The following ZBTB46 variants were observed in gnomAD, a reference collection of about 807,000 sequenced individuals.
ZBTB46 encodes the protein zinc finger and BTB domain containing 46, also known as zinc finger and BTB domain-containing protein 46.
ZBTB46 carries 8 observed loss-of-function variants against 44.1 expected under a neutral mutation model. The ratio of observed to expected loss-of-function variants is 0.18; its 90% CI spans 0.11 to 0.33. The LOEUF is 0.33. ZBTB46 is among the 10% of genes least tolerant of loss of function. The pLI, the probability that ZBTB46 is intolerant of heterozygous loss-of-function variation, is 1.00. For missense variants in ZBTB46, 651 were observed against 847.7 expected, an observed-to-expected ratio of 0.77 and a Z score of 2.88; for synonymous variants, 409 against 382.3, an observed-to-expected ratio of 1.07 and a Z score of -0.81.
intron 1 of ZBTB46, among the ~76,000 whole-genome samples, chr20:63,813,217 G>A (rs1045778062): frequency 6.6e-6 from 1 of 152,156 alleles, no homozygotes; most frequent in African/African-American, 2.4e-5. Context: ...GGGAGGCTGA[G>A]GCGGGTGGAT....
At chr20:63,809,606 A>G (rs898623081) in intron 1 of ZBTB46, among the ~76,000 whole-genome samples, 1 of 152,168 alleles carries the variant, frequency 6.6e-6, no homozygotes, top group Non-Finnish European at 1.5e-5. Context: ...GCTTAACTCA[A>G]TGATACAATT....
chr20:63,751,815 T>C (rs2092169416), intron 4 of ZBTB46, among the ~76,000 whole-genome samples: 2 of 135,070 alleles, frequency 1.5e-5, no homozygotes, highest in South Asian at 2.5e-4. Context: ...GGTCTCCCCA[T>C]GAAGCCCCGC....
intron 1 of ZBTB46, among the ~76,000 whole-genome samples, chr20:63,804,720 C>A (rs201434121): frequency 6.6e-6 from 1 of 151,820 alleles, no homozygotes; most frequent in African/African-American, 2.4e-5. Flanking sequence ...GGTGAAACCC[C>A]GTCTCTACCA....
chr20:63,766,373 G>A (rs962899053), intron 3 of ZBTB46, among the ~76,000 whole-genome samples: 15 of 151,678 alleles, frequency 9.9e-5, no homozygotes, highest in South Asian at 6.3e-4. Flanking sequence ...CCGCCACCAC[G>A]CCCAGCTAAT....
At chr20:63,771,081 C>G (rs2092366498) in intron 3 of ZBTB46, among the ~76,000 whole-genome samples, 1 of 151,954 alleles carries the variant, frequency 6.6e-6, no homozygotes, top group Non-Finnish European at 1.5e-5. Context: ...GCAGGGGCTA[C>G]TCGCCCTCCC....
At chr20:63,797,864 T>C (rs2092615360) in intron 1 of ZBTB46, among the ~76,000 whole-genome samples, 1 of 152,234 alleles carries the variant, frequency 6.6e-6, no homozygotes, top group Admixed American at 6.5e-5. Context: ...GATTTTTTCT[T>C]GTAAAGTTGT....
chr20:63,770,031 G>A (rs954470057), intron 3 of ZBTB46, among the ~76,000 whole-genome samples: 16 of 152,208 alleles, frequency 1.1e-4, no homozygotes, highest in Non-Finnish European at 1.9e-4. Flanking sequence ...GCACCGCACC[G>A]CCATGGCTGT....
chr20:63,833,608 A>T (rs1349262877), upstream of ZBTB46, among the ~76,000 whole-genome samples: 2 of 152,102 alleles, frequency 1.3e-5, no homozygotes, highest in African/African-American at 4.8e-5. Context: ...AAAAAAAAAG[A>T]AACGTGCTGA....
intron 3 of ZBTB46, among the ~76,000 whole-genome samples, chr20:63,773,957 T>C (rs1434302533): frequency 6.6e-6 from 1 of 151,934 alleles, no homozygotes; most frequent in Non-Finnish European, 1.5e-5. Flanking sequence ...GCCAACATCT[T>C]GGAGCATAAA....
intron 4 of ZBTB46, among the ~76,000 whole-genome samples, chr20:63,748,965 C>T (rs2092132386): frequency 6.6e-6 from 1 of 152,356 alleles, no homozygotes; most frequent in Admixed American, 6.5e-5. Context: ...GGGCTGGACC[C>T]GGGCCCTTAC....
At chr20:63,827,905 A>G (rs976956083) in intron 1 of ZBTB46, among the ~76,000 whole-genome samples, 12 of 152,264 alleles carry the variant, frequency 7.9e-5, no homozygotes, top group Admixed American at 4.6e-4. Flanking sequence ...ACAATGTTTT[A>G]TTTGTTTATT....
In ZBTB46 at chr20:63,744,479, GAC is replaced by G. The variant is rs1168764859; in HGVS notation, c.*2449_*2450del. The G allele has an allele frequency of 6.6e-6, 1 of 151,330 alleles. No homozygotes were observed. The highest frequency in any genetic ancestry group is 1.5e-5 in the Non-Finnish European group (1 of 67,894). 9.4% of individuals were successfully genotyped at this position (151,330 alleles called of 1,614,324 possible). A position where few individuals can be genotyped will look rare whatever the true frequency, so the allele number is the denominator to read the frequency against. On this transcript the variant is annotated 3_prime_UTR_variant, in exon 5 of 5. Coordinates refer to ENST00000245663, the MANE Select transcript of ZBTB46 (RefSeq NM_001369741.1). ...TGTTGTAAACACCAAAATACAAACAGACACAAACAAAAATACAAAATGTGAAA... is the reference window on the plus strand; with the variant it reads ...TGTTGTAAACACCAAAATACAAACAGACAAACAAAAATACAAAATGTGAAA...
chr20:63,749,776 T>G (rs139329599), intron 4 of ZBTB46, among the ~76,000 whole-genome samples: 2 of 152,310 alleles, frequency 1.3e-5, no homozygotes, highest in East Asian at 3.9e-4. Flanking sequence ...CTGAGGCCCC[T>G]TGAGGCCTAG....
chr20:63,794,080 G>A (rs912826120), intron 1 of ZBTB46, among the ~76,000 whole-genome samples: 4 of 151,970 alleles, frequency 2.6e-5, no homozygotes, highest in African/African-American at 7.2e-5. Context: ...CAGCTACTCA[G>A]GAGGCTGAGG....
intron 1 of ZBTB46, among the ~76,000 whole-genome samples, chr20:63,820,439 A>ATT (rs1383468703): frequency 6.7e-6 from 1 of 149,970 alleles, no homozygotes; most frequent in African/African-American, 2.5e-5. Context: ...TATTATATAT[A>ATT]TATATTTTTT....
chr20:63,785,359 G>A (rs1432701665), intron 2 of ZBTB46, among the ~76,000 whole-genome samples: 1 of 151,490 alleles, frequency 6.6e-6, no homozygotes, highest in Non-Finnish European at 1.5e-5. Flanking sequence ...TCAGGAGTTC[G>A]AGACAAGCCT....
chr20:63,755,486 G>A (rs1053603763), intron 3 of ZBTB46, among the ~76,000 whole-genome samples: 3 of 152,200 alleles, frequency 2.0e-5, no homozygotes, highest in African/African-American at 7.2e-5. Context: ...TCTCTTAGAA[G>A]GACACTTGTG....
Position 63,746,863 on chromosome 20 carries a change from G to C in ZBTB46, c.*67C>G. 1.4e-6 allele frequency: 2 copies of C among 1,434,002 alleles called. No individual in the cohort carries two copies. The highest frequency in any genetic ancestry group is 2.5e-5 in the East Asian group (1 of 39,276). 88.8% of individuals were successfully genotyped at this position (1,434,002 alleles called of 1,614,324 possible). Reference sequence around the variant, plus strand: ...TGAGCGTGGCCCTGGCCCCGCAGTGGAGACCCACCGGACACACACACGGGT... The same window carrying C: ...TGAGCGTGGCCCTGGCCCCGCAGTGCAGACCCACCGGACACACACACGGGT... On this transcript the variant is annotated 3_prime_UTR_variant, in exon 5 of 5. Transcript: ENST00000245663.
chr20:63,764,879 G>A (rs1033746573), intron 3 of ZBTB46, among the ~76,000 whole-genome samples: 2 of 151,862 alleles, frequency 1.3e-5, no homozygotes, highest in African/African-American at 4.8e-5. Flanking sequence ...GATTACAGGT[G>A]TGAGCCACTG....
Sources: allele counts gnomAD v4.1 joint callset (sites outside exome capture counted in the v4.1 genomes callset), GRCh38; gene constraint gnomAD v4.1.1; transcripts MANE v1.5; gene names NCBI Gene and HGNC (gene_info 2026-07-23, HGNC 2026-07-21).